CCDC178: variants seen among roughly 807,000 people sequenced by gnomAD.
CCDC178 encodes coiled-coil domain-containing protein 178.
CCDC178 carries 126 observed loss-of-function variants against 117.4 expected under a neutral mutation model. The observed-to-expected ratio is 1.07, with a 90% confidence interval of 0.93 to 1.24. The LOEUF (loss-of-function observed/expected upper bound fraction) is 1.24. CCDC178 is among the 50% of genes most tolerant of loss of function. The pLI is 0.00. For missense variants in CCDC178, 1,030 were observed against 986.9 expected, an observed-to-expected ratio of 1.04 and a Z score of -0.59; for synonymous variants, 283 against 313.4, an observed-to-expected ratio of 0.90 and a Z score of 1.02.
chr18:33,147,595 C>T (rs2058286193), intron 20 of CCDC178, among the ~76,000 whole-genome samples: 1 of 151,670 alleles, frequency 6.6e-6, no homozygotes, highest in African/African-American at 2.4e-5. Flanking sequence ...TGCCTTCAAG[C>T]ATCTGTTTAA....
intron 21 of CCDC178, among the ~76,000 whole-genome samples, chr18:33,059,049 C>A (rs560687678): frequency 1.3e-5 from 2 of 152,046 alleles, no homozygotes; most frequent in Non-Finnish European, 2.9e-5. Context: ...GGTCAACGAC[C>A]TACAGACTTA....
chr18:33,384,476 G>A (rs181686934), intron 5 of CCDC178, among the ~76,000 whole-genome samples: 10 of 152,226 alleles, frequency 6.6e-5, no homozygotes, highest in Non-Finnish European at 8.8e-5. Context: ...AGGCAAGGTC[G>A]TCTACAAAGG....
chr18:33,347,653 C>T (rs1164542887), intron 8 of CCDC178, among the ~76,000 whole-genome samples: 3 of 152,036 alleles, frequency 2.0e-5, no homozygotes, highest in African/African-American at 7.2e-5. Flanking sequence ...ATATCAATTA[C>T]AATAACAAGA....
chr18:32,955,120 T>C (rs2054568196), intron 22 of CCDC178, among the ~76,000 whole-genome samples: 1 of 152,162 alleles, frequency 6.6e-6, no homozygotes, highest in Non-Finnish European at 1.5e-5. Flanking sequence ...AAGCTTCTAC[T>C]TTCCACATAT....
Position 33,356,365 on chromosome 18 carries a change from T to C in CCDC178, c.349-19A>G. The C allele has an allele frequency of 6.8e-7, 1 of 1,466,790 alleles. No homozygotes were observed. The highest frequency in any genetic ancestry group is 9.2e-7 in the Non-Finnish European group (1 of 1,088,234). 90.9% of individuals were successfully genotyped at this position (1,466,790 alleles called of 1,614,324 possible). A position where few individuals can be genotyped will look rare whatever the true frequency, so the allele number is the denominator to read the frequency against. ...TTTCAAACTGTCAAAACAAAAGATC[T>C]CAATAAAAATCAAATCTTAAACATA... On this transcript the variant is annotated intron_variant, in intron 6 of 22. Coordinates refer to ENST00000383096, the MANE Select transcript of CCDC178 (RefSeq NM_001105528.4).
At chr18:33,399,500 G>C (rs1307389233) in intron 3 of CCDC178, among the ~76,000 whole-genome samples, 2 of 152,222 alleles carry the variant, frequency 1.3e-5, no homozygotes, top group East Asian at 3.9e-4. Context: ...TGCCAATTAT[G>C]TTTATGCAGT....
At chr18:33,083,426 A>G (rs2057328433) in intron 21 of CCDC178, among the ~76,000 whole-genome samples, 1 of 152,228 alleles carries the variant, frequency 6.6e-6, no homozygotes, top group African/African-American at 2.4e-5. Flanking sequence ...TCAAAGTACA[A>G]TATCACCATT....
At chr18:33,117,134 C>T (rs1226926749) in intron 20 of CCDC178, among the ~76,000 whole-genome samples, 1 of 151,918 alleles carries the variant, frequency 6.6e-6, no homozygotes, top group African/African-American at 2.4e-5. Context: ...TATGTATTGC[C>T]CATTCTTAAT....
rs746505005 is a variant in CCDC178 at position 33,091,324 on chromosome 18, CTTTTTTTTTTTTT to C, written c.2388+1424_2388+1436del. On this transcript the variant is annotated intron_variant, in intron 21 of 22. Transcript: ENST00000383096. The stretch of plus-strand genomic sequence containing the variant: ...CTTTCCCAAACACACTTATTTCATT[CTTTTTTTTTTTTT>C]TTTTTTTTTTTTTTTTTGAGACGGA... Among the ~76,000 whole-genome samples, 174 of 43,908 alleles carry C rather than the reference CTTTTTTTTTTTTT, an allele frequency of 4.0e-3. 1 individual carries two copies. Among genetic ancestry groups the C allele is most frequent in the African/African-American group, 0.012 (145 of 12,470 alleles). 28.8% of individuals were successfully genotyped at this position (43,908 alleles called of 152,430 possible). A position where few individuals can be genotyped will look rare whatever the true frequency, so the allele number is the denominator to read the frequency against.
In CCDC178 at chr18:33,192,495, G is replaced by A. The variant is rs534500321; in HGVS notation, c.2238+19401C>T. Among the ~76,000 whole-genome samples, 115 of 152,292 alleles carry A rather than the reference G, an allele frequency of 7.6e-4. 1 individual carries two copies. Among genetic ancestry groups the A allele is most frequent in the African/African-American group, 2.7e-3 (111 of 41,572 alleles). On this transcript the variant is annotated intron_variant, in intron 20 of 22. Coordinates refer to ENST00000383096, the MANE Select transcript of CCDC178 (RefSeq NM_001105528.4). ...ATTCCATTTTATATCAAAGCACTCTGATAGGCATCGGAGAAAAAGAAAAAA... is the reference window on the plus strand; with the variant it reads ...ATTCCATTTTATATCAAAGCACTCTAATAGGCATCGGAGAAAAAGAAAAAA...
chr18:33,204,581 G>A (rs535647234), intron 20 of CCDC178, among the ~76,000 whole-genome samples: 3 of 152,098 alleles, frequency 2.0e-5, no homozygotes, highest in African/African-American at 7.2e-5. Context: ...GACTGAGATT[G>A]TGACATTAAA....
intron 15 of CCDC178, among the ~76,000 whole-genome samples, chr18:33,239,495 G>C (rs2059461418): frequency 6.8e-6 from 1 of 147,778 alleles, no homozygotes; most frequent in Non-Finnish European, 1.5e-5. Flanking sequence ...GACTGAAAGT[G>C]ACGTGGTTAA....
At chr18:33,281,130 C>T (rs574492365) in intron 12 of CCDC178, among the ~76,000 whole-genome samples, 1 of 142,936 alleles carries the variant, frequency 7.0e-6, no homozygotes, top group African/African-American at 2.8e-5. Flanking sequence ...AACACACACA[C>T]AAAAAATAAA....
At chr18:33,353,590 CAATT>C (rs1260400833) in intron 7 of CCDC178, among the ~76,000 whole-genome samples, 1 of 151,910 alleles carries the variant, frequency 6.6e-6, no homozygotes, top group African/African-American at 2.4e-5. Flanking sequence ...CTGAGGATTA[CAATT>C]AATATCTTAA....
intron 22 of CCDC178, among the ~76,000 whole-genome samples, chr18:32,958,693 A>G (rs2054642989): frequency 6.6e-6 from 1 of 152,210 alleles, no homozygotes; most frequent in African/African-American, 2.4e-5. Flanking sequence ...ATAGAAGTCT[A>G]TACATTCTGT....
intron 20 of CCDC178, among the ~76,000 whole-genome samples, chr18:33,099,174 A>G (rs947575005): frequency 2.0e-5 from 3 of 152,192 alleles, no homozygotes; most frequent in Middle Eastern, 3.4e-3. Flanking sequence ...TGACTTTAGC[A>G]TATTACTAAG....
intron 20 of CCDC178, among the ~76,000 whole-genome samples, chr18:33,204,936 A>T (rs775466381): frequency 1.3e-5 from 2 of 152,094 alleles, no homozygotes; most frequent in Non-Finnish European, 2.9e-5. Flanking sequence ...ATTAATTATG[A>T]CCAGGAAACA....
At chr18:33,120,465 G>C (rs1568000884) in intron 20 of CCDC178, among the ~76,000 whole-genome samples, 1 of 152,074 alleles carries the variant, frequency 6.6e-6, no homozygotes, top group Non-Finnish European at 1.5e-5. Context: ...TAAAGTCAAA[G>C]AAAAACCATA....
At chr18:33,209,757 T>C (rs1380527422) in intron 20 of CCDC178, among the ~76,000 whole-genome samples, 3 of 152,066 alleles carry the variant, frequency 2.0e-5, no homozygotes, top group Non-Finnish European at 2.9e-5. Flanking sequence ...CAACAAGAGC[T>C]ATCCAAGAAA....
Sources: gnomAD v4.1 joint callset for allele counts (sites outside exome capture counted in the v4.1 genomes callset) on GRCh38, gnomAD v4.1.1 for gene constraint, MANE v1.5 for transcripts, NCBI Gene and HGNC (gene_info 2026-07-23, HGNC 2026-07-21) for gene names.